TDRP: variants seen among roughly 807,000 people sequenced by gnomAD.
The protein encoded by TDRP is testis development related protein.
Under a neutral mutation model 10.5 loss-of-function variants are expected in TDRP, and 12 were observed. The ratio of observed to expected loss-of-function variants is 1.15; its 90% CI spans 0.73 to 1.86. The LOEUF (loss-of-function observed/expected upper bound fraction) is 1.86. Among genes scored for constraint, TDRP ranks in the 40% most tolerant of loss-of-function variants. The pLI is 0.00. For synonymous variants in TDRP, 139 were observed against 95.4 expected (o/e 1.46, Z -2.67); for missense variants, 353 against 229.2 (o/e 1.54, Z -3.49).
At chr8:513,992 A>T (rs1264238610) in intron 1 of TDRP, among the ~76,000 whole-genome samples, 2 of 152,240 alleles carry the variant, frequency 1.3e-5, no homozygotes, top group African/African-American at 2.4e-5. Flanking sequence ...GAATCAGAAG[A>T]CATAACATTA....
chr8:533,062 C>T (rs1303860948), intron 1 of TDRP, among the ~76,000 whole-genome samples: 2 of 152,198 alleles, frequency 1.3e-5, no homozygotes, highest in Admixed American at 1.3e-4. Context: ...CGCTGGGACC[C>T]AGGCCTGCCT....
At chr8:508,011 G>A (rs1801511141) in intron 1 of TDRP, among the ~76,000 whole-genome samples, 1 of 152,180 alleles carries the variant, frequency 6.6e-6, no homozygotes, top group African/African-American at 2.4e-5. Flanking sequence ...GAAAACAACA[G>A]CAGGCAACAC....
Position 529,842 on chromosome 8 carries a change from G to A in TDRP, c.108+14808C>T, listed in dbSNP as rs143512642. ...GGCAATTTGATTAAAATCTTTCTCAGTGTGGGCTTCTTTACCCTTTCTTTG... is the reference window on the plus strand; with the variant it reads ...GGCAATTTGATTAAAATCTTTCTCAATGTGGGCTTCTTTACCCTTTCTTTG... On this transcript the variant is annotated intron_variant, in intron 1 of 2. Transcript: ENST00000324079. Among the ~76,000 whole-genome samples, 84 of 152,224 alleles carry A rather than the reference G, an allele frequency of 5.5e-4. No homozygotes were observed. In the East Asian group the frequency reaches 0.015, roughly 27 times the overall value.
At chr8:544,315 C>G (rs1384749638) in intron 1 of TDRP, among the ~76,000 whole-genome samples, 1 of 151,948 alleles carries the variant, frequency 6.6e-6, no homozygotes, top group Admixed American at 6.6e-5. Context: ...ACTGCGTCCC[C>G]GCTCTCCTGG....
intron 1 of TDRP, among the ~76,000 whole-genome samples, chr8:508,634 C>A (rs78663561): frequency 1.3e-5 from 2 of 152,058 alleles, no homozygotes; most frequent in Admixed American, 6.6e-5. Flanking sequence ...TGATACATTG[C>A]GATTATGGGA....
In TDRP at chr8:512,401, C is replaced by A. The variant is rs551364002; in HGVS notation, c.109-17804G>T. ...TGAGCCAAGATCGTGCTGCTGCACT[C>A]CAGCCTGGCAACAGAGCAAGACTCC... On this transcript the variant is annotated intron_variant, in intron 1 of 2. Coordinates refer to ENST00000324079, the MANE Select transcript of TDRP (RefSeq NM_001384899.1). Among the ~76,000 whole-genome samples the A allele has an allele frequency of 3.9e-5, 6 of 152,082 alleles. No individual in the cohort carries two copies. In the South Asian group the frequency reaches 1.2e-3, roughly 32 times the overall value.
In TDRP at chr8:491,950, T is replaced by G; in HGVS notation, c.*449A>C. The G allele has an allele frequency of 8.9e-7, 1 of 1,122,228 alleles. No individual in the cohort carries two copies. Among genetic ancestry groups the G allele is most frequent in the Non-Finnish European group, 1.1e-6 (1 of 919,666 alleles). 69.5% of individuals were successfully genotyped at this position (1,122,228 alleles called of 1,614,324 possible). Reference sequence around the variant, plus strand: ...AAAATTTAACATAACTTTGGAAGATTCATCTTACCTCCTGACTAATTTTCT... The same window carrying G: ...AAAATTTAACATAACTTTGGAAGATGCATCTTACCTCCTGACTAATTTTCT... On this transcript the variant is annotated 3_prime_UTR_variant, in exon 3 of 3. Coordinates refer to ENST00000324079, the MANE Select transcript of TDRP (RefSeq NM_001384899.1).
intron 1 of TDRP, among the ~76,000 whole-genome samples, chr8:500,396 G>T (rs1291968718): frequency 2.6e-5 from 4 of 152,176 alleles, no homozygotes; most frequent in African/African-American, 9.7e-5. Context: ...GGCCCCACCA[G>T]TGCGCACGTC....
At chr8:530,770 G>A (rs1404218044) in intron 1 of TDRP, among the ~76,000 whole-genome samples, 4 of 152,134 alleles carry the variant, frequency 2.6e-5, no homozygotes, top group African/African-American at 9.7e-5. Context: ...CTCTGAGTCA[G>A]GCAAAACAGG....
chr8:545,256 T>A (rs1431283399), upstream of TDRP, among the ~76,000 whole-genome samples: 1 of 3,694 alleles, frequency 2.7e-4, no homozygotes, highest in Non-Finnish European at 5.4e-4. Context: ...GACCCCCACC[T>A]ACCCGCCCCT....
At chr8:523,545 G>T (rs1034187160) in intron 1 of TDRP, among the ~76,000 whole-genome samples, 1 of 152,166 alleles carries the variant, frequency 6.6e-6, no homozygotes, top group African/African-American at 2.4e-5. Context: ...TTCTGGACTT[G>T]CCCTGGGCCA....
intron 1 of TDRP, among the ~76,000 whole-genome samples, chr8:529,533 C>T (rs1432069108): frequency 1.3e-5 from 2 of 151,878 alleles, no homozygotes; most frequent in Non-Finnish European, 2.9e-5. Flanking sequence ...ATCTCTTTAG[C>T]ATTTCTTACA....
At chr8:520,624 A>C (rs1346877640) in intron 1 of TDRP, among the ~76,000 whole-genome samples, 1 of 152,084 alleles carries the variant, frequency 6.6e-6, no homozygotes, top group African/African-American at 2.4e-5. Context: ...TGCTTTTTTG[A>C]TTGTAGCCAT....
At position 497,820 on chromosome 8, in the gene TDRP, G is replaced by C. The variant is rs138478938; in HGVS notation, c.109-3223C>G. ...GGTCCTGCTTCACTGTGCACCTCTGGACATGGTGTCCTGTGTCCCAGCCGC... is the reference window on the plus strand; with the variant it reads ...GGTCCTGCTTCACTGTGCACCTCTGCACATGGTGTCCTGTGTCCCAGCCGC... On this transcript the variant is annotated intron_variant, in intron 1 of 2. Coordinates refer to ENST00000324079, the MANE Select transcript of TDRP (RefSeq NM_001384899.1). 2.6e-3 allele frequency among the ~76,000 whole-genome samples: 399 copies of C among 152,284 alleles called. 3 individuals carry two copies. Among genetic ancestry groups the C allele is most frequent in the Middle Eastern group, 6.8e-3 (2 of 294 alleles).
At position 491,566 on chromosome 8, in the gene TDRP, G is replaced by C. The variant is rs191073565; in HGVS notation, c.*833C>G. On this transcript the variant is annotated 3_prime_UTR_variant, in exon 3 of 3. Coordinates refer to ENST00000324079, the MANE Select transcript of TDRP (RefSeq NM_001384899.1). ...AAACATATGAGCCTAATAAAAAAGA[G>C]GCACTTCAGTATTTTATGCACAGTC... 4 of 1,477,692 alleles carry C rather than the reference G, an allele frequency of 2.7e-6. No individual in the cohort carries two copies. The highest frequency in any genetic ancestry group is 3.6e-6 in the Non-Finnish European group (4 of 1,120,808). 91.5% of individuals were successfully genotyped at this position (1,477,692 alleles called of 1,614,324 possible).
intron 1 of TDRP, among the ~76,000 whole-genome samples, chr8:530,695 C>A (rs944215095): frequency 6.6e-6 from 1 of 152,208 alleles, no homozygotes; most frequent in Non-Finnish European, 1.5e-5. Flanking sequence ...GGGCAACAGG[C>A]TGTGGAGCTC....
At chr8:544,120 T>C (rs1002224544) in intron 1 of TDRP, among the ~76,000 whole-genome samples, 1 of 152,222 alleles carries the variant, frequency 6.6e-6, no homozygotes, top group Non-Finnish European at 1.5e-5. Context: ...ATACTTGTTA[T>C]GCAAACAAAC....
In TDRP at chr8:528,692, G is replaced by A. The variant is rs570530558; in HGVS notation, c.108+15958C>T. ...AAGTGATGGATACCTCATTTACTCC[G>A]ATGTGATTATTATGTATTATATGCC... On this transcript the variant is annotated intron_variant, in intron 1 of 2. Coordinates refer to ENST00000324079, the MANE Select transcript of TDRP (RefSeq NM_001384899.1). Among the ~76,000 whole-genome samples, 19 of 152,158 alleles carry A rather than the reference G, an allele frequency of 1.2e-4. No homozygotes were observed. In the East Asian group the frequency reaches 2.9e-3, roughly 23 times the overall value.
intron 1 of TDRP, among the ~76,000 whole-genome samples, chr8:499,648 G>A (rs1248661670): frequency 6.6e-6 from 1 of 152,242 alleles, no homozygotes; most frequent in Non-Finnish European, 1.5e-5. Context: ...GGAGTGCTGT[G>A]AGGCCACTCC....
Sources: gnomAD v4.1 joint callset for allele counts (sites outside exome capture counted in the v4.1 genomes callset) on GRCh38, gnomAD v4.1.1 for gene constraint, MANE v1.5 for transcripts, NCBI Gene and HGNC (gene_info 2026-07-23, HGNC 2026-07-21) for gene names.